Variants in CRLS1 observed in about 807,000 individuals in gnomAD.
CRLS1 encodes the protein cardiolipin synthase 1.
Under a neutral mutation model 37.0 loss-of-function variants are expected in CRLS1, and 24 were observed. The ratio of observed to expected loss-of-function variants is 0.65; its 90% CI spans 0.47 to 0.91. The LOEUF is 0.91. Ranked by LOEUF, CRLS1 falls within the 40% of genes least tolerant of loss-of-function variation. The pLI, the probability that CRLS1 is intolerant of heterozygous loss-of-function variation, is 0.00. For missense variants in CRLS1, 373 were observed against 395.8 expected, an observed-to-expected ratio of 0.94 and a Z score of 0.49; for synonymous variants, 135 against 159.7, an observed-to-expected ratio of 0.85 and a Z score of 1.17.
chr20:6,026,751 C>T (rs1438678841), intron 3 of CRLS1, among the ~76,000 whole-genome samples: 1 of 152,112 alleles, frequency 6.6e-6, no homozygotes, highest in Non-Finnish European at 1.5e-5. Context: ...AGCTCTCCAT[C>T]TGCTGCTTGG....
At chr20:6,007,715 C>T (rs961626896) in intron 1 of CRLS1, among the ~76,000 whole-genome samples, 1 of 152,190 alleles carries the variant, frequency 6.6e-6, no homozygotes, top group African/African-American at 2.4e-5. Flanking sequence ...CTTCTCCCCT[C>T]CCACTCTTCC....
chr20:6,008,090 C>CT (rs11479572), intron 1 of CRLS1, among the ~76,000 whole-genome samples: 50,129 of 138,318 alleles, frequency 0.36, 9,508 homozygotes, highest in East Asian at 0.54. Context: ...TTAGAGAATA[C>CT]TTTTTTTTTT....
chr20:6,027,580 A>C (rs111593423), intron 3 of CRLS1, among the ~76,000 whole-genome samples: 13,660 of 150,414 alleles, frequency 0.091, 850 homozygotes, highest in Middle Eastern at 0.22. Context: ...ACGCCGAGCT[A>C]ATTTTTGTAT....
At chr20:6,010,344 G>C (rs1372640894) in intron 2 of CRLS1, among the ~76,000 whole-genome samples, 1 of 152,216 alleles carries the variant, frequency 6.6e-6, no homozygotes, top group Admixed American at 6.5e-5. Context: ...CAGTTGTTAT[G>C]ACCCAGGGAA....
At position 6,039,056 on chromosome 20, in the gene CRLS1, C is replaced by T. The variant is rs1366622512; in HGVS notation, c.*1898C>T. 6.6e-6 allele frequency: 1 copy of T among 152,210 alleles called. No individual in the cohort carries two copies. Among genetic ancestry groups the T allele is most frequent in the South Asian group, 2.1e-4 (1 of 4,828 alleles). 9.4% of individuals were successfully genotyped at this position (152,210 alleles called of 1,614,324 possible). On this transcript the variant is annotated 3_prime_UTR_variant, in exon 7 of 7. Transcript: ENST00000378863. ...TGATGAAAATTCATTTCATTGTCTT[C>T]ACTGAATAGACTTAACCTTGACAGT...
At chr20:6,018,871 A>T (rs574416740) in intron 3 of CRLS1, among the ~76,000 whole-genome samples, 30 of 152,356 alleles carry the variant, frequency 2.0e-4, no homozygotes, top group Admixed American at 1.7e-3. Flanking sequence ...TAATGTTAAA[A>T]CAAGCTGCAA....
chr20:6,011,115 G>A (rs903416348), intron 2 of CRLS1, among the ~76,000 whole-genome samples: 1 of 152,132 alleles, frequency 6.6e-6, no homozygotes, highest in Non-Finnish European at 1.5e-5. Flanking sequence ...GGCAGAGTTA[G>A]CAGGAGAAAT....
intron 5 of CRLS1, among the ~76,000 whole-genome samples, chr20:6,034,017 G>A (rs571324220): frequency 1.2e-4 from 19 of 152,216 alleles, no homozygotes; most frequent in Non-Finnish European, 2.2e-4. Flanking sequence ...CATCGGATAA[G>A]GCCCCAGGAA....
chr20:6,032,713 G>A (rs1474655368), intron 5 of CRLS1, among the ~76,000 whole-genome samples: 1 of 152,222 alleles, frequency 6.6e-6, no homozygotes, highest in African/African-American at 2.4e-5. Flanking sequence ...AGGGCAATAA[G>A]TATATGCCAG....
In CRLS1 at chr20:6,011,506, C is replaced by T. The variant is rs142649703; in HGVS notation, c.444+1594C>T. 4.2e-3 allele frequency among the ~76,000 whole-genome samples: 603 copies of T among 145,006 alleles called. 4 individuals carry two copies. The highest frequency in any genetic ancestry group is 6.7e-3 in the Non-Finnish European group (447 of 67,022). On this transcript the variant is annotated intron_variant, in intron 2 of 6. Coordinates refer to ENST00000378863, the MANE Select transcript of CRLS1 (RefSeq NM_019095.6). ...TTACCTCTCTTTTTCCAGAGTTTAG[C>T]GTCTACTAATATTTGTCACTACCTC...
intron 6 of CRLS1, among the ~76,000 whole-genome samples, chr20:6,035,817 A>C (rs1021236082): frequency 6.7e-6 from 1 of 150,080 alleles, no homozygotes; most frequent in Admixed American, 6.7e-5. Flanking sequence ...TAATTTATTT[A>C]TTTTTGAGAC....
Position 6,009,982 on chromosome 20 carries a change from C to T in CRLS1, c.444+70C>T. ...GGTCTGTACTACTAAACCGAAATAG[C>T]ATAGCCTTAGCCTGCTTTTCCTTGG... On this transcript the variant is annotated intron_variant, in intron 2 of 6. Coordinates refer to ENST00000378863, the MANE Select transcript of CRLS1 (RefSeq NM_019095.6). The T allele has an allele frequency of 5.5e-6, 8 of 1,462,360 alleles. No individual in the cohort carries two copies. The South Asian group carries it at 8.6e-5, about 16-fold the overall frequency. The allele number at this position is 1,462,360 out of a possible 1,614,324, so 90.6% of individuals were successfully genotyped here.
At chr20:6,010,850 C>G (rs747189916) in intron 2 of CRLS1, among the ~76,000 whole-genome samples, 1 of 152,088 alleles carries the variant, frequency 6.6e-6, no homozygotes, top group Non-Finnish European at 1.5e-5. Context: ...GAGCCTATCT[C>G]TACAAAAAAT....
At chr20:6,032,911 G>C (rs1159257187) in intron 5 of CRLS1, among the ~76,000 whole-genome samples, 1 of 151,664 alleles carries the variant, frequency 6.6e-6, no homozygotes, top group Non-Finnish European at 1.5e-5. Context: ...TAGGGTTTGG[G>C]GTTTTTTTGT....
At chr20:6,025,898 T>C (rs150311389) in intron 3 of CRLS1, among the ~76,000 whole-genome samples, 69 of 152,320 alleles carry the variant, frequency 4.5e-4, no homozygotes, top group African/African-American at 1.6e-3. Context: ...TGATAAAAAT[T>C]ACCTGAGTTG....
chr20:6,033,616 A>G (rs1218104155), intron 5 of CRLS1, among the ~76,000 whole-genome samples: 1 of 152,038 alleles, frequency 6.6e-6, no homozygotes, highest in Non-Finnish European at 1.5e-5. Context: ...TTTTCTCCCC[A>G]GTGCTGTCTT....
Position 6,006,231 on chromosome 20 carries a change from G to A in CRLS1, c.-16G>A. On this transcript the variant is annotated 5_prime_UTR_variant, in exon 1 of 7. Transcript: ENST00000378863. ...AGCTCTCGCCGCCCGAGACCCCGCG[G>A]CGCGGCCGCAGGGCCATGCTAGCCT... The A allele has an allele frequency of 8.2e-7, 1 of 1,220,500 alleles. No individual in the cohort carries two copies. Among genetic ancestry groups the A allele is most frequent in the South Asian group, 3.9e-5 (1 of 25,404 alleles). 75.6% of individuals were successfully genotyped at this position (1,220,500 alleles called of 1,614,324 possible).
Position 6,006,539 on chromosome 20 carries a change from G to C in CRLS1, c.293G>C (p.Ser98Thr), listed in dbSNP as rs1281966130. 1.1e-5 allele frequency: 14 copies of C among 1,321,136 alleles called. No individual in the cohort carries two copies. 81.8% of individuals were successfully genotyped at this position (1,321,136 alleles called of 1,614,324 possible). A position where few individuals can be genotyped will look rare whatever the true frequency, so the allele number is the denominator to read the frequency against. The change falls in exon 1 of 7, where the codon AGC (serine) becomes ACC (threonine). Residue 98 changes from serine (S) to threonine (T), a missense_variant. Ser to Thr is a moderately conservative substitution (Grantham distance 58). Transcript: ENST00000378863. ...CCGGGCGGCCAGTGGGGCCCGGCGA[G>C]CACCCCCAGCCTGGTACGTACCGAT... ...EAPGGQWGPA[S>T]TPSLYENPWT...
chr20:6,033,820 C>T (rs1330808806), intron 5 of CRLS1, among the ~76,000 whole-genome samples: 1 of 152,168 alleles, frequency 6.6e-6, no homozygotes, highest in Non-Finnish European at 1.5e-5. Flanking sequence ...GCTGAGAGTA[C>T]AGGTGCACAC....
Sources: allele counts gnomAD v4.1 joint callset (sites outside exome capture counted in the v4.1 genomes callset), GRCh38; gene constraint gnomAD v4.1.1; transcripts MANE v1.5; gene names NCBI Gene and HGNC (gene_info 2026-07-23, HGNC 2026-07-21).